BCL11B: variants seen among roughly 807,000 people sequenced by gnomAD.
BCL11B encodes BCL11 transcription factor B, also known as B-cell lymphoma/leukemia 11B.
In BCL11B, 8 loss-of-function variants were observed where a neutral mutation model predicts 49.9. That is an observed-to-expected ratio of 0.16 (90% CI 0.09 to 0.29). The LOEUF (loss-of-function observed/expected upper bound fraction) is 0.29, where lower values mean the gene tolerates loss of function less well. Among genes scored for constraint, BCL11B ranks in the 10% least tolerant of loss-of-function variants. The pLI is 1.00. For synonymous variants in BCL11B, 739 were observed against 637.4 expected (o/e 1.16, Z -2.40); for missense variants, 1,006 against 1,351.0 (o/e 0.74, Z 4.00).
chr14:99,243,937 A>G, intron 2 of BCL11B, among the ~76,000 whole-genome samples: 1 of 19,380 alleles, frequency 5.2e-5, no homozygotes, highest in South Asian at 4.4e-3. Flanking sequence ...AAAAAAAAAA[A>G]AAAAAAAAAA....
chr14:99,256,288 G>A (rs374112900), intron 2 of BCL11B, among the ~76,000 whole-genome samples: 3 of 152,180 alleles, frequency 2.0e-5, no homozygotes, highest in African/African-American at 7.2e-5. Context: ...GCACACCGCA[G>A]AGCCAGACGA....
rs928420450 is a variant in BCL11B, at chr14:99,205,534, C to T, written c.640+25811G>A. ...AGCGACGTGAGGACCTCCTGTGTCACCCTGTCCTGGGCGCTCTGTGAACTT... is the reference window on the plus strand; with the variant it reads ...AGCGACGTGAGGACCTCCTGTGTCATCCTGTCCTGGGCGCTCTGTGAACTT... On this transcript the variant is annotated intron_variant, in intron 3 of 3. Transcript: ENST00000357195. This position sits in a 1 kb window ranked among gnomAD's most constrained non-coding sequence, Gnocchi z 5.0. 1.3e-5 allele frequency among the ~76,000 whole-genome samples: 2 copies of T among 152,166 alleles called. No homozygotes were observed. Among genetic ancestry groups the T allele is most frequent in the South Asian group, 2.1e-4 (1 of 4,820 alleles).
rs1006906425 is a variant in BCL11B at position 99,172,394 on chromosome 14, C to T, written c.*1757G>A. ...GGCATTTCATATCCTCTATCTTCAA[C>T]CAGAATTTTTTTTTTTTTTACTTAA... On this transcript the variant is annotated 3_prime_UTR_variant, in exon 4 of 4. Transcript: ENST00000357195. 1.8e-5 allele frequency: 4 copies of T among 218,728 alleles called. No individual in the cohort carries two copies. Among genetic ancestry groups the T allele is most frequent in the African/African-American group, 9.1e-5 (4 of 43,938 alleles). The allele number at this position is 218,728 out of a possible 1,614,324, so 13.5% of individuals were successfully genotyped here.
intron 3 of BCL11B, among the ~76,000 whole-genome samples, chr14:99,217,660 G>T (rs1480181925): frequency 6.6e-6 from 1 of 152,182 alleles, no homozygotes; most frequent in Non-Finnish European, 1.5e-5. Flanking sequence ...AATGCTACTG[G>T]CTTCCAGACT....
chr14:99,193,864 G>A (rs1213872182), intron 3 of BCL11B, among the ~76,000 whole-genome samples: 2 of 152,120 alleles, frequency 1.3e-5, no homozygotes, highest in African/African-American at 4.8e-5. Context: ...AATCTAAAAT[G>A]CGTTTGTAGA....
intron 3 of BCL11B, among the ~76,000 whole-genome samples, chr14:99,191,347 G>C (rs944072863): frequency 6.6e-5 from 10 of 151,992 alleles, no homozygotes; most frequent in Middle Eastern, 3.4e-3. Context: ...GGGCAGCCCT[G>C]GGCCACACCC....
chr14:99,215,015 C>T (rs938767248), intron 3 of BCL11B, among the ~76,000 whole-genome samples: 16 of 152,232 alleles, frequency 1.1e-4, no homozygotes, highest in Middle Eastern at 3.4e-3. Flanking sequence ...ACAGCTACAG[C>T]GGAATGTCCC....
At chr14:99,206,350 G>A (rs770991192) in intron 3 of BCL11B, among the ~76,000 whole-genome samples, 5 of 152,194 alleles carry the variant, frequency 3.3e-5, no homozygotes, top group Non-Finnish European at 7.3e-5. Context: ...CCTGTTACCC[G>A]TGGTTTCACT....
chr14:99,269,341 G>A (rs1278095123), intron 1 of BCL11B, among the ~76,000 whole-genome samples: 2 of 152,082 alleles, frequency 1.3e-5, no homozygotes, highest in Non-Finnish European at 2.9e-5. Context: ...AATGTCAACT[G>A]GCAAAAAAGA....
Position 99,229,015 on chromosome 14 carries a change from GATGGATGGATGGATGGATGGATGGATGC to G in BCL11B, c.640+2302_640+2329del, listed in dbSNP as rs1191126009. ...GGCTACATGGATGAATGGATGGATG[GATGGATGGATGGATGGATGGATGGATGC>G]ATGGATGGATGGATGGATGGATGGA... On this transcript the variant is annotated intron_variant, in intron 3 of 3. Coordinates refer to ENST00000357195, the MANE Select transcript of BCL11B (RefSeq NM_138576.4). 4.0e-3 allele frequency among the ~76,000 whole-genome samples: 461 copies of G among 114,132 alleles called. 3 individuals carry two copies. Among genetic ancestry groups the G allele is most frequent in the African/African-American group, 0.014 (430 of 31,512 alleles). 74.9% of individuals were successfully genotyped at this position (114,132 alleles called of 152,430 possible). A position where few individuals can be genotyped will look rare whatever the true frequency, so the allele number is the denominator to read the frequency against.
At chr14:99,210,919 G>A (rs1343805713) in intron 3 of BCL11B, among the ~76,000 whole-genome samples, 1 of 151,926 alleles carries the variant, frequency 6.6e-6, no homozygotes, top group Non-Finnish European at 1.5e-5. Context: ...CGATGACAAT[G>A]ATCCTAATAA....
At chr14:99,222,686 G>A (rs1215222147) in intron 3 of BCL11B, among the ~76,000 whole-genome samples, 1 of 152,090 alleles carries the variant, frequency 6.6e-6, no homozygotes, top group Non-Finnish European at 1.5e-5. Context: ...CTTGTTGTCA[G>A]CAGGCCCCTT....
At chr14:99,263,462 C>A (rs543660647) in intron 1 of BCL11B, among the ~76,000 whole-genome samples, 8 of 152,200 alleles carry the variant, frequency 5.3e-5, no homozygotes, top group Non-Finnish European at 1.0e-4. Flanking sequence ...TTGGGCCTGG[C>A]CTGCAGGCCA....
At chr14:99,223,949 G>T (rs542872102) in intron 3 of BCL11B, among the ~76,000 whole-genome samples, 5 of 152,300 alleles carry the variant, frequency 3.3e-5, no homozygotes, top group African/African-American at 9.6e-5. Context: ...AAGGCGCCAT[G>T]GGGACATGCA....
intron 1 of BCL11B, among the ~76,000 whole-genome samples, chr14:99,258,894 GT>G (rs11439167): frequency 6.6e-6 from 1 of 151,916 alleles, no homozygotes. Flanking sequence ...TTTCTCTTGG[GT>G]TTTTTTTGTG....
chr14:99,253,717 C>T (rs990892905), intron 2 of BCL11B, among the ~76,000 whole-genome samples: 6 of 152,130 alleles, frequency 3.9e-5, no homozygotes, highest in African/African-American at 1.4e-4. Flanking sequence ...TCCCAGATAA[C>T]GGCTTGGCAG....
chr14:99,198,853 G>A (rs539079160), intron 3 of BCL11B, among the ~76,000 whole-genome samples: 136 of 152,154 alleles, frequency 8.9e-4, no homozygotes, highest in African/African-American at 3.0e-3. Flanking sequence ...ACTCTTCGGC[G>A]AATGGGGCTA....
chr14:99,199,677 T>TGTGTGCGCGCGCGCGCGCACACGTGCAC (rs1887296065), intron 3 of BCL11B, among the ~76,000 whole-genome samples: 1 of 112,112 alleles, frequency 8.9e-6, no homozygotes, highest in Non-Finnish European at 2.0e-5. Context: ...TGTGTGTGTG[T>TGTGTGCGCGCGCGCGCGCACACGTGCAC]GTGTGTGCGC....
At chr14:99,243,952 A>T (rs1248188413) in intron 2 of BCL11B, among the ~76,000 whole-genome samples, 8 of 139,456 alleles carry the variant, frequency 5.7e-5, no homozygotes, top group African/African-American at 2.1e-4. Context: ...AAAAAAAAAA[A>T]GCAAGGAAAG....
Sources: gnomAD v4.1 joint callset for allele counts (sites outside exome capture counted in the v4.1 genomes callset) on GRCh38, gnomAD v4.1.1 for gene constraint, Gnocchi (gnomAD v3.1) non-coding constraint, MANE v1.5 for transcripts, NCBI Gene and HGNC (gene_info 2026-07-23, HGNC 2026-07-21) for gene names.